PWP1: variants seen among roughly 807,000 people sequenced by gnomAD.
The protein encoded by PWP1 is periodic tryptophan protein 1 homolog.
PWP1 carries 47 observed loss-of-function variants against 69.9 expected under a neutral mutation model. That is an observed-to-expected ratio of 0.67 (90% CI 0.53 to 0.86). The LOEUF (loss-of-function observed/expected upper bound fraction) is 0.86, where lower values mean the gene tolerates loss of function less well. PWP1 is among the 40% of genes least tolerant of loss of function. The pLI, the probability that PWP1 is intolerant of heterozygous loss-of-function variation, is 0.00. For missense variants in PWP1, 551 were observed against 608.8 expected (o/e 0.91, Z 1.00); for synonymous variants, 222 against 208.2 (o/e 1.07, Z -0.57).
At chr12:107,688,301 A>C (rs1020320270) in intron 1 of PWP1, 147 bp from the exon 2 acceptor site, 1 of 568,072 alleles carries the variant, frequency 1.8e-6, no homozygotes, top group Non-Finnish European at 2.9e-6. Context: ...TATATTTTTT[A>C]ATATAGAGTC....
chr12:107,690,037 T>A (rs1242516719), intron 3 of PWP1, among the ~76,000 whole-genome samples: 1 of 152,218 alleles, frequency 6.6e-6, no homozygotes, highest in African/African-American at 2.4e-5. Context: ...TTACTTAACT[T>A]GTAAATCCCA....
At chr12:107,710,599 G>A (rs978813579) in intron 14 of PWP1, 89 bp downstream of exon 14, 10 of 1,420,906 alleles carry the variant, frequency 7.0e-6, no homozygotes, top group Non-Finnish European at 9.3e-6. Flanking sequence ...TGTTGCCCAG[G>A]CTGGTCTCAA....
At position 107,696,470 on chromosome 12, in the gene PWP1, T is replaced by G. The variant is rs1246460374; in HGVS notation, c.503-4T>G. The G allele has an allele frequency of 2.5e-6, 4 of 1,610,988 alleles. No individual in the cohort carries two copies. The highest frequency in any genetic ancestry group is 3.4e-6 in the Non-Finnish European group (4 of 1,179,226). On this transcript the variant is annotated splice_region_variant and splice_polypyrimidine_tract_variant and intron_variant, in intron 5 of 14. Coordinates refer to ENST00000412830, the MANE Select transcript of PWP1 (RefSeq NM_007062.3). ...ATTAAAGTCTCTTTTCCCAATCTTT[T>G]CAGTTTATAATCAAGAAGAAGACTC...
chr12:107,690,589 G>A (rs961650686), intron 3 of PWP1, among the ~76,000 whole-genome samples: 1 of 151,986 alleles, frequency 6.6e-6, no homozygotes, highest in Non-Finnish European at 1.5e-5. Context: ...TTAGCCTCCC[G>A]AATGCTGGGA....
At chr12:107,702,914 T>C (rs1484607219) in intron 8 of PWP1, 21 bp from the exon 9 acceptor site, 3 of 1,478,168 alleles carry the variant, frequency 2.0e-6, no homozygotes, top group Non-Finnish European at 2.8e-6. Flanking sequence ...GATTACCTGA[T>C]TGGATTCTTC....
At chr12:107,689,297 T>C (rs1170276375) in intron 3 of PWP1, among the ~76,000 whole-genome samples, 1 of 152,222 alleles carries the variant, frequency 6.6e-6, no homozygotes, top group African/African-American at 2.4e-5. Context: ...TATATTATCA[T>C]TATTTGATTC....
chr12:107,701,353 A>G (rs1453588448), intron 8 of PWP1, among the ~76,000 whole-genome samples: 1 of 151,976 alleles, frequency 6.6e-6, no homozygotes, highest in Non-Finnish European at 1.5e-5. Flanking sequence ...AACTCCTACT[A>G]CCAAATACAT....
Position 107,712,630 on chromosome 12 carries a change from G to C in PWP1, c.*410G>C, listed in dbSNP as rs139223928. 4.8e-3 allele frequency: 756 copies of C among 157,672 alleles called. 2 individuals carry two copies. The highest frequency in any genetic ancestry group is 7.8e-3 in the Non-Finnish European group (558 of 71,488). 9.8% of individuals were successfully genotyped at this position (157,672 alleles called of 1,614,324 possible). A position where few individuals can be genotyped will look rare whatever the true frequency, so the allele number is the denominator to read the frequency against. ...AATTGCACAGGAGGCCATGAACAGA[G>C]GCAAGTGCCCCAGAGACTCCACTTT... On this transcript the variant is annotated 3_prime_UTR_variant, in exon 15 of 15. Coordinates refer to ENST00000412830, the MANE Select transcript of PWP1 (RefSeq NM_007062.3).
At chr12:107,704,887 G>GTT in intron 11 of PWP1, 140 bp downstream of exon 11, 1 of 580,030 alleles carries the variant, frequency 1.7e-6, no homozygotes, top group East Asian at 3.1e-5. Flanking sequence ...AGCATAAGGT[G>GTT]TTTTTTTTTA....
chr12:107,693,650 G>C (rs956307034), intron 5 of PWP1, among the ~76,000 whole-genome samples: 1 of 152,246 alleles, frequency 6.6e-6, no homozygotes, highest in Admixed American at 6.5e-5. Flanking sequence ...AGGATTGCTC[G>C]AGCCCATGAG....
chr12:107,697,868 A>C lies in PWP1; in HGVS notation c.744+271A>C, dbSNP rs368137274. 9.0e-5 allele frequency: 44 copies of C among 491,260 alleles called. 1 individual carries two copies. The Middle Eastern group carries it at 2.3e-3, about 26-fold the overall frequency. 30.4% of individuals were successfully genotyped at this position (491,260 alleles called of 1,614,324 possible). On this transcript the variant is annotated intron_variant, in intron 7 of 14. Coordinates refer to ENST00000412830, the MANE Select transcript of PWP1 (RefSeq NM_007062.3). ...TAATATGAATAGCTACTATAGATGA[A>C]GGACTTTCGGATTATGAGCCTCCTC... is the stretch of plus-strand genomic sequence containing the variant.
rs764848179 is a variant in PWP1, at chr12:107,697,517, C to G, written c.664C>G (p.Leu222Val). 1.2e-6 allele frequency: 2 copies of G among 1,607,654 alleles called. No homozygotes were observed. The highest frequency in any genetic ancestry group is 1.7e-6 in the Non-Finnish European group (2 of 1,177,688). ...GACCCCTGTTATTGAAGTGTGGGAC[C>G]TTGATATAGTGGACTCTTTAGAGCC... ...NMTPVIEVWD[L>V]DIVDSLEPVF... is the part of the protein sequence containing the mutation. The change falls in exon 7 of 15, where the codon CTT (leucine) becomes GTT (valine). Residue 222 changes from leucine to valine, a missense_variant. Coordinates refer to ENST00000412830, the MANE Select transcript of PWP1 (RefSeq NM_007062.3).
At position 107,688,610 on chromosome 12, in the gene PWP1, C is replaced by T. The variant is rs770260494; in HGVS notation, c.132-5C>T. The T allele has an allele frequency of 4.3e-6, 7 of 1,612,854 alleles. No homozygotes were observed. Among genetic ancestry groups the T allele is most frequent in the Non-Finnish European group, 3.4e-6 (4 of 1,179,180 alleles). ...GTGATTCTCTTTTTCTTTCTGTGCT[C>T]ATAGAGAAGAAGGTGGTGGCAGTGA... On this transcript the variant is annotated splice_region_variant and splice_polypyrimidine_tract_variant and intron_variant, in intron 2 of 14. Coordinates refer to ENST00000412830, the MANE Select transcript of PWP1 (RefSeq NM_007062.3).
chr12:107,702,706 A>G (rs1306760560), intron 8 of PWP1, among the ~76,000 whole-genome samples: 1 of 152,226 alleles, frequency 6.6e-6, no homozygotes, highest in Non-Finnish European at 1.5e-5. Flanking sequence ...TATTAACACT[A>G]TTAAGTCTTC....
intron 11 of PWP1, among the ~76,000 whole-genome samples, chr12:107,704,955 G>A (rs1372936157): frequency 6.6e-6 from 1 of 152,028 alleles, no homozygotes; most frequent in Non-Finnish European, 1.5e-5. Flanking sequence ...TTTGCTGGTT[G>A]CCGGCCATTC....
chr12:107,693,193 T>C, intron 5 of PWP1, 97 bp downstream of exon 5: 1 of 1,464,628 alleles, frequency 6.8e-7, no homozygotes, highest in South Asian at 1.5e-5. Flanking sequence ...GATCCTATTG[T>C]ATCTCATTTA....
At position 107,712,838 on chromosome 12, in the gene PWP1, T is replaced by C. The variant is rs906215224; in HGVS notation, c.*618T>C. The C allele has an allele frequency of 5.9e-5, 9 of 152,264 alleles. No individual in the cohort carries two copies. Among genetic ancestry groups the C allele is most frequent in the African/African-American group, 2.2e-4 (9 of 41,472 alleles). 9.4% of individuals were successfully genotyped at this position (152,264 alleles called of 1,614,324 possible). On this transcript the variant is annotated 3_prime_UTR_variant, in exon 15 of 15. Coordinates refer to ENST00000412830, the MANE Select transcript of PWP1 (RefSeq NM_007062.3). ...GAATGCCATTCTGTGCCTAGTGCTA[T>C]ACAAGGCATGGGAGATTCAGTGTGA...
At position 107,697,489 on chromosome 12, in the gene PWP1, C is replaced by G. The variant is rs760139370; in HGVS notation, c.636C>G (p.Asn212Lys). 5 of 1,597,258 alleles carry G rather than the reference C, an allele frequency of 3.1e-6. No homozygotes were observed. Among genetic ancestry groups the G allele is most frequent in the Non-Finnish European group, 4.3e-6 (5 of 1,174,202 alleles). The change falls in exon 7 of 15, where the codon AAC (asparagine) becomes AAG (lysine). Residue 212 changes from asparagine (N) to lysine (K), a missense_variant. Transcript: ENST00000412830. ...TAGGAAATTACATTGCTGTAGGAAA[C>G]ATGACCCCTGTTATTGAAGTGTGGG... The part of the protein sequence containing the change: ...DSTGNYIAVG[N>K]MTPVIEVWDL...
chr12:107,688,677 G>T lies in PWP1; in HGVS notation c.194G>T (p.Ser65Ile). 6.2e-7 allele frequency: 1 copy of T among 1,614,218 alleles called. No individual in the cohort carries two copies. Among genetic ancestry groups the T allele is most frequent in the Non-Finnish European group, 8.5e-7 (1 of 1,180,018 alleles). ...AGTCCTTCAGAAGATGGCATGCAGA[G>T]TGCACGCACCCAGGCACGCCCAAGA... ...TGSPSEDGMQ[S>I]ARTQARPREP... The change falls in exon 3 of 15, where the codon AGT becomes ATT. Residue 65 changes from serine to isoleucine, a missense_variant. Ser to Ile is a moderately radical substitution (Grantham distance 142, BLOSUM62 -2). Transcript: ENST00000412830.
Sources: allele counts gnomAD v4.1 joint callset (sites outside exome capture counted in the v4.1 genomes callset), GRCh38; gene constraint gnomAD v4.1.1; transcripts MANE v1.5; gene names NCBI Gene and HGNC (gene_info 2026-07-23, HGNC 2026-07-21).